The following MGAT4C variants were observed in gnomAD, a reference collection of about 807,000 sequenced individuals.
MGAT4C encodes the protein alpha-1,3-mannosyl-glycoprotein 4-beta-N-acetylglucosaminyltransferase C.
In MGAT4C, 19 loss-of-function variants were observed where a neutral mutation model predicts 40.1. That is an observed-to-expected ratio of 0.47 (90% CI 0.33 to 0.70). The LOEUF (loss-of-function observed/expected upper bound fraction) is 0.70. MGAT4C is among the 30% of genes least tolerant of loss of function. MGAT4C has a pLI of 0.02. For missense variants in MGAT4C, 491 were observed against 563.2 expected (o/e 0.87, Z 1.30); for synonymous variants, 181 against 187.1 (o/e 0.97, Z 0.27).
At chr12:86,504,220 T>G (rs1426013143) in intron 2 of MGAT4C, among the ~76,000 whole-genome samples, 3 of 152,100 alleles carry the variant, frequency 2.0e-5, no homozygotes, top group Non-Finnish European at 2.9e-5. Flanking sequence ...ATTGGTATAT[T>G]TGAACCCTGT....
chr12:86,482,258 C>A (rs964783239), intron 2 of MGAT4C, among the ~76,000 whole-genome samples: 6 of 151,928 alleles, frequency 3.9e-5, no homozygotes, highest in African/African-American at 1.5e-4. Flanking sequence ...AATTTTTAAT[C>A]AGCTAAATTA....
intron 4 of MGAT4C, among the ~76,000 whole-genome samples, chr12:86,296,915 C>T (rs912099924): frequency 2.6e-5 from 4 of 152,232 alleles, no homozygotes; most frequent in Non-Finnish European, 2.9e-5. Flanking sequence ...GCGCCCAGAG[C>T]GAGCGAGGGC....
intron 2 of MGAT4C, among the ~76,000 whole-genome samples, chr12:86,540,974 T>C (rs546564427): frequency 2.6e-5 from 4 of 152,298 alleles, no homozygotes; most frequent in Admixed American, 2.6e-4. Context: ...TATTTTTACT[T>C]GGCCTATCCT....
At position 86,394,051 on chromosome 12, in the gene MGAT4C, T is replaced by C. The variant is rs1276485905; in HGVS notation, c.-120+41106A>G. On this transcript the variant is annotated intron_variant, in intron 3 of 7. Coordinates refer to the MGAT4C transcript ENST00000548651. ...GCTCCTAAACACTTCATATGGTTTGTTCCCTCTTCTCCCAGAATAATAATA... is the reference window on the plus strand; with the variant it reads ...GCTCCTAAACACTTCATATGGTTTGCTCCCTCTTCTCCCAGAATAATAATA... Among the ~76,000 whole-genome samples, 6 of 152,262 alleles carry C rather than the reference T, an allele frequency of 3.9e-5. No individual in the cohort carries two copies. In the East Asian group the frequency reaches 1.2e-3, roughly 29 times the overall value.
chr12:86,622,308 T>A (rs1375754668), intron 2 of MGAT4C, among the ~76,000 whole-genome samples: 2 of 152,058 alleles, frequency 1.3e-5, no homozygotes, highest in Non-Finnish European at 2.9e-5. Context: ...GTACTAGTGA[T>A]GATAAGCCTG....
rs142582122 is a variant in MGAT4C at position 86,829,362 on chromosome 12, C to T, written c.-262+9304G>A. On this transcript the variant is annotated intron_variant, in intron 1 of 7. Coordinates refer to the MGAT4C transcript ENST00000548651. ...CCTTCCAAGCCTCTAAAAGTAGCTC[C>T]TAAACAACCATTAGGCTTTGTCATC... 3.1e-3 allele frequency among the ~76,000 whole-genome samples: 466 copies of T among 151,492 alleles called. 1 individual carries two copies. The highest frequency in any genetic ancestry group is 0.01 in the African/African-American group (428 of 41,410).
chr12:86,769,953 G>A (rs1284975191), intron 1 of MGAT4C, among the ~76,000 whole-genome samples: 6 of 151,834 alleles, frequency 4.0e-5, no homozygotes, highest in African/African-American at 7.3e-5. Context: ...CATGGCACAC[G>A]TATACATATG....
At position 86,142,529 on chromosome 12, in the gene MGAT4C, A is replaced by T. The variant is rs543618682; in HGVS notation, c.-56-92806T>A. On this transcript the variant is annotated intron_variant, in intron 1 of 4. Coordinates refer to ENST00000611864, the MANE Select transcript of MGAT4C (RefSeq NM_001351288.2). ...ATCAGCTACTAGGAAATGTCTCAGT[A>T]TATACCAATCCTGCTTTCTCTCATT... 8.1e-4 allele frequency among the ~76,000 whole-genome samples: 124 copies of T among 152,290 alleles called. 1 individual carries two copies. Among genetic ancestry groups the T allele is most frequent in the African/African-American group, 2.9e-3 (121 of 41,568 alleles).
intron 1 of MGAT4C, among the ~76,000 whole-genome samples, chr12:86,155,993 C>T (rs1308622542): frequency 6.6e-6 from 1 of 152,040 alleles, no homozygotes; most frequent in South Asian, 2.1e-4. Context: ...CAGCATATTG[C>T]CCTGTAAAAT....
At chr12:86,508,870 T>C (rs951494799) in intron 2 of MGAT4C, among the ~76,000 whole-genome samples, 1 of 150,376 alleles carries the variant, frequency 6.6e-6, no homozygotes, top group Non-Finnish European at 1.5e-5. Flanking sequence ...TTGAGAAGTG[T>C]CTGTTCATGT....
At chr12:86,522,635 T>C (rs542837735) in intron 2 of MGAT4C, among the ~76,000 whole-genome samples, 2 of 152,236 alleles carry the variant, frequency 1.3e-5, no homozygotes, top group African/African-American at 4.8e-5. Flanking sequence ...GAAGTATTTC[T>C]CCTCCTCAAT....
intron 1 of MGAT4C, among the ~76,000 whole-genome samples, chr12:86,153,141 A>G (rs970910279): frequency 4.6e-5 from 7 of 152,170 alleles, no homozygotes; most frequent in African/African-American, 1.4e-4. Flanking sequence ...CTCTCACACT[A>G]AAAACAAGAA....
At chr12:86,654,744 TTA>T (rs1421075189) in intron 2 of MGAT4C, among the ~76,000 whole-genome samples, 4 of 151,184 alleles carry the variant, frequency 2.6e-5, no homozygotes, top group Non-Finnish European at 4.4e-5. Context: ...TCTCTTAAAG[TTA>T]TATATGAAAA....
intron 3 of MGAT4C, among the ~76,000 whole-genome samples, chr12:86,420,273 T>A (rs1956794787): frequency 6.6e-6 from 1 of 151,840 alleles, no homozygotes; most frequent in African/African-American, 2.4e-5. Flanking sequence ...TCCCAGTTAC[T>A]CTCGAGGCGG....
chr12:86,373,692 A>G (rs1309820372), intron 3 of MGAT4C, among the ~76,000 whole-genome samples: 2 of 151,404 alleles, frequency 1.3e-5, no homozygotes, highest in African/African-American at 4.9e-5. Flanking sequence ...CTTTGTTACT[A>G]CTGCATTAAC....
intron 3 of MGAT4C, among the ~76,000 whole-genome samples, chr12:86,336,934 T>C (rs574086847): frequency 1.3e-5 from 2 of 152,314 alleles, no homozygotes; most frequent in African/African-American, 2.4e-5. Flanking sequence ...GGTGTCAGAC[T>C]AACAGGTTTT....
chr12:86,080,507 CAACAGAAGGAA>C (rs1477643044), intron 1 of MGAT4C, among the ~76,000 whole-genome samples: 1 of 152,000 alleles, frequency 6.6e-6, no homozygotes, highest in African/African-American at 2.4e-5. Flanking sequence ...ATAATAGCAA[CAACAGAAGGAA>C]CATAAAGTAT....
intron 1 of MGAT4C, among the ~76,000 whole-genome samples, chr12:86,093,080 C>G (rs1873177977): frequency 6.6e-6 from 1 of 152,090 alleles, no homozygotes; most frequent in South Asian, 2.1e-4. Flanking sequence ...CCCTCTTAAC[C>G]TCACTGAAAC....
At chr12:86,541,191 C>T (rs1286542287) in intron 2 of MGAT4C, among the ~76,000 whole-genome samples, 2 of 152,126 alleles carry the variant, frequency 1.3e-5, no homozygotes, top group East Asian at 1.9e-4. Flanking sequence ...GAGACATAAT[C>T]CAATATAGAC....
Sources: allele counts gnomAD v4.1 joint callset (sites outside exome capture counted in the v4.1 genomes callset), GRCh38; gene constraint gnomAD v4.1.1; transcripts MANE v1.5; gene names NCBI Gene and HGNC (gene_info 2026-07-23, HGNC 2026-07-21).